The following NPTN variants were observed in gnomAD, a reference collection of about 807,000 sequenced individuals.
NPTN encodes neuroplastin.
In NPTN, 5 loss-of-function variants were observed where a neutral mutation model predicts 42.7. The ratio of observed to expected loss-of-function variants is 0.12; its 90% CI spans 0.06 to 0.25. The LOEUF (loss-of-function observed/expected upper bound fraction) is 0.25. NPTN is among the 10% of genes least tolerant of loss of function. The pLI is 1.00. For synonymous variants in NPTN, 180 were observed against 201.9 expected (o/e 0.89, Z 0.92); for missense variants, 307 against 525.4 (o/e 0.58, Z 4.06).
intron 6 of NPTN, chr15:73,566,977 G>C (rs1895051637): frequency 1.1e-6 from 1 of 925,484 alleles, no homozygotes; most frequent in Non-Finnish European, 1.3e-6. Context: ...GAATACTCCA[G>C]TAGGTAAAGA....
chr15:73,621,456 A>G (rs1898133647), intron 1 of NPTN, among the ~76,000 whole-genome samples: 1 of 152,214 alleles, frequency 6.6e-6, no homozygotes, highest in African/African-American at 2.4e-5. Flanking sequence ...TATAAATACC[A>G]TGCCCTATAA....
chr15:73,600,794 C>G (rs779665324), intron 1 of NPTN, among the ~76,000 whole-genome samples: 3 of 152,160 alleles, frequency 2.0e-5, no homozygotes, highest in Non-Finnish European at 2.9e-5. Flanking sequence ...TATAATCTTA[C>G]TAGAGAATGG....
intron 4 of NPTN, 78 bp from the exon 5 acceptor site, chr15:73,573,873 A>G: frequency 6.5e-7 from 1 of 1,542,874 alleles, no homozygotes; most frequent in East Asian, 2.4e-5. Context: ...TCTGGCTCAG[A>G]GCCCTGCTTG....
In NPTN at chr15:73,625,254, A is replaced by G. The variant is rs569168402; in HGVS notation, c.91+7871T>C. ...TTAATAATAGGTAATGTTTCACAAG[A>G]TATTACATATTTGTGTAATTTTGTT... is the stretch of plus-strand genomic sequence containing the variant. On this transcript the variant is annotated intron_variant, in intron 1 of 8. Coordinates refer to ENST00000345330, the MANE Select transcript of NPTN (RefSeq NM_012428.4). 5.3e-4 allele frequency among the ~76,000 whole-genome samples: 81 copies of G among 152,358 alleles called. 1 individual carries two copies. The highest frequency in any genetic ancestry group is 3.1e-3 in the Admixed American group (48 of 15,306).
chr15:73,570,124 C>T lies in NPTN; in HGVS notation c.1114+26G>A, dbSNP rs183646265. 4 of 1,576,186 alleles carry T rather than the reference C, an allele frequency of 2.5e-6. 1 individual carries two copies. The South Asian group carries it at 3.5e-5, about 14-fold the overall frequency. ...CCCGAAGGAACCAACCCCAGCAGTA[C>T]AGCTATTTTGTAGGGATGCTCTTAC... On this transcript the variant is annotated intron_variant, in intron 6 of 8. Transcript: ENST00000345330. The surrounding 1 kb of genome is among the most constrained non-coding windows in gnomAD (Gnocchi z 4.0).
At chr15:73,615,726 C>T (rs1322840968) in intron 1 of NPTN, among the ~76,000 whole-genome samples, 1 of 152,094 alleles carries the variant, frequency 6.6e-6, no homozygotes, top group Non-Finnish European at 1.5e-5. Flanking sequence ...AGGCATTTGG[C>T]ATTACTAACA....
At chr15:73,622,714 A>T (rs899922844) in intron 1 of NPTN, among the ~76,000 whole-genome samples, 5 of 152,204 alleles carry the variant, frequency 3.3e-5, no homozygotes, top group African/African-American at 1.2e-4. Flanking sequence ...TTTTGTCCAT[A>T]TTAAATCTAC....
intron 4 of NPTN, among the ~76,000 whole-genome samples, chr15:73,578,992 C>CAAA (rs532918109): frequency 0.014 from 742 of 54,644 alleles, 19 homozygotes; most frequent in African/African-American, 0.047. Context: ...GATTCTGTCT[C>CAAA]AAAAAAAAAA....
intron 7 of NPTN, 117 bp downstream of exon 7, chr15:73,563,119 A>T: frequency 2.7e-6 from 2 of 753,556 alleles, no homozygotes; most frequent in Non-Finnish European, 4.6e-6. Context: ...CTACACTGCA[A>T]CCTTCATTTC....
intron 1 of NPTN, among the ~76,000 whole-genome samples, chr15:73,629,555 A>G (rs1017744451): frequency 6.6e-6 from 1 of 152,146 alleles, no homozygotes. Context: ...AATGTTCACA[A>G]CTATCTAGTA....
At position 73,590,904 on chromosome 15, in the gene NPTN, AT is replaced by A. The variant is rs989514872; in HGVS notation, c.611+1061del. On this transcript the variant is annotated intron_variant, in intron 3 of 8. Coordinates refer to ENST00000345330, the MANE Select transcript of NPTN (RefSeq NM_012428.4). ...GAAAATTGCTGAGGCTAAATTTCTAATTTTTTTTTTTATCAGAAGAAACTAC... is the reference window on the plus strand; with the variant it reads ...GAAAATTGCTGAGGCTAAATTTCTAATTTTTTTTTTATCAGAAGAAACTAC... Among the ~76,000 whole-genome samples, 909 of 149,134 alleles carry A rather than the reference AT, an allele frequency of 6.1e-3. 6 individuals carry two copies. The highest frequency in any genetic ancestry group is 0.021 in the African/African-American group (845 of 40,854).
chr15:73,569,887 C>T lies in NPTN; in HGVS notation c.1114+263G>A, dbSNP rs1895263453. On this transcript the variant is annotated intron_variant, in intron 6 of 8. Transcript: ENST00000345330. The surrounding 1 kb of genome is among the most constrained non-coding windows in gnomAD (Gnocchi z 4.1). ...CATGGGGCCTGAAAGGCAGATGGGA[C>T]TAGGGTTTGGAAAACACCCAAACAG... 1 of 889,186 alleles carries T rather than the reference C, an allele frequency of 1.1e-6. No homozygotes were observed. Among genetic ancestry groups the T allele is most frequent in the African/African-American group, 1.8e-5 (1 of 55,080 alleles). 55.1% of individuals were successfully genotyped at this position (889,186 alleles called of 1,614,324 possible). A position where few individuals can be genotyped will look rare whatever the true frequency, so the allele number is the denominator to read the frequency against.
chr15:73,565,823 A>C, intron 6 of NPTN: 1 of 456,038 alleles, frequency 2.2e-6, no homozygotes, highest in Non-Finnish European at 4.4e-6. Context: ...TTCCCAACCG[A>C]ATGGACCACA....
intron 6 of NPTN, 76 bp from the exon 7 acceptor site, chr15:73,563,333 G>A (rs929608601): frequency 9.2e-5 from 146 of 1,590,336 alleles, no homozygotes; most frequent in Non-Finnish European, 1.2e-4. Flanking sequence ...TTCTGCATAA[G>A]GATTAACAGA....
rs773166927 is a variant in NPTN, at chr15:73,591,947, A to C, written c.611+19T>G. 1.2e-4 allele frequency: 192 copies of C among 1,597,126 alleles called. No homozygotes were observed. The highest frequency in any genetic ancestry group is 1.5e-4 in the Non-Finnish European group (179 of 1,169,962). ...CCACACTCCCTCCCACCTTCCCAGG[A>C]GCTGCCCACCACTCTCACCTGTACT... On this transcript the variant is annotated intron_variant, in intron 3 of 8. Coordinates refer to ENST00000345330, the MANE Select transcript of NPTN (RefSeq NM_012428.4).
At chr15:73,590,923 G>A (rs76965446) in intron 3 of NPTN, among the ~76,000 whole-genome samples, 7,742 of 151,576 alleles carry the variant, frequency 0.051, 210 homozygotes, top group South Asian at 0.094. Context: ...TTTATCAGAA[G>A]AAACTACAGT....
rs372897186 is a variant in NPTN, at chr15:73,564,801, A to T, written c.1115-1544T>A. 4.6e-5 allele frequency among the ~76,000 whole-genome samples: 7 copies of T among 152,354 alleles called. No homozygotes were observed. The South Asian group carries it at 1.4e-3, about 32-fold the overall frequency. ...ACTTTGGGGATTTAAATGAAAAGACATAGGAGCAAACTTGGAATACTTTTA... is the reference window on the plus strand; with the variant it reads ...ACTTTGGGGATTTAAATGAAAAGACTTAGGAGCAAACTTGGAATACTTTTA... On this transcript the variant is annotated intron_variant, in intron 6 of 8. Transcript: ENST00000345330.
intron 1 of NPTN, among the ~76,000 whole-genome samples, chr15:73,602,427 A>G (rs1053144705): frequency 2.0e-5 from 3 of 152,202 alleles, no homozygotes; most frequent in African/African-American, 7.2e-5. Context: ...ACACACACAA[A>G]TTCAAATCGT....
intron 4 of NPTN, among the ~76,000 whole-genome samples, chr15:73,580,268 G>A (rs1488202409): frequency 1.3e-5 from 2 of 151,072 alleles, no homozygotes; most frequent in East Asian, 3.9e-4. Context: ...CCTAATGCAT[G>A]TGGGGCTTAA....
Sources: gnomAD v4.1 joint callset for allele counts (sites outside exome capture counted in the v4.1 genomes callset) on GRCh38, gnomAD v4.1.1 for gene constraint, Gnocchi (gnomAD v3.1) non-coding constraint, MANE v1.5 for transcripts, NCBI Gene and HGNC (gene_info 2026-07-23, HGNC 2026-07-21) for gene names.